Variants in ZNF780B observed in about 807,000 individuals in gnomAD.
The protein encoded by ZNF780B is zinc finger protein 780B, also known as zinc finger protein 779.
In ZNF780B, 52 loss-of-function variants were observed where a neutral mutation model predicts 74.1. The observed-to-expected ratio is 0.70, with a 90% CI of 0.56 to 0.88. The LOEUF (loss-of-function observed/expected upper bound fraction) is 0.88, where lower values mean the gene tolerates loss of function less well. Ranked by LOEUF, ZNF780B falls within the 40% of genes least tolerant of loss-of-function variation. The pLI is 0.00. For missense variants in ZNF780B, 953 were observed against 1,007.6 expected, an observed-to-expected ratio of 0.95 and a Z score of 0.73; for synonymous variants, 315 against 324.3, an observed-to-expected ratio of 0.97 and a Z score of 0.31.
At position 40,048,605 on chromosome 19, in the gene ZNF780B, T is replaced by G. The variant is rs192319875; in HGVS notation, c.136+65A>C. ...ACCTCTTAAAAGACAGCCCTGAAAC[T>G]CATGATGAAGAAAGCTGATATTCCA... On this transcript the variant is annotated intron_variant, in intron 3 of 4. Coordinates refer to ENST00000434248, the MANE Select transcript of ZNF780B (RefSeq NM_001005851.3). The G allele has an allele frequency of 1.5e-3, 2,466 of 1,612,344 alleles. 26 individuals are homozygous for G. The highest frequency in any genetic ancestry group is 6.9e-4 in the Non-Finnish European group (817 of 1,178,580).
Position 40,035,824 on chromosome 19 carries a change from C to G in ZNF780B, c.1035G>C (p.Leu345=). ...CKECRKAFTL[L]TKLVRHQKIH... ...TCTTCTGATGTCGAACAAGCTTTGT[C>G]AGAAGAGTAAAGGCCTTTCTGCATT... Residue 345 remains leucine, a synonymous_variant, in exon 5 of 5, where the codon CTG becomes CTC. Coordinates refer to ENST00000434248, the MANE Select transcript of ZNF780B (RefSeq NM_001005851.3). 1.9e-6 allele frequency: 3 copies of G among 1,614,018 alleles called. No homozygotes were observed. The highest frequency in any genetic ancestry group is 2.5e-6 in the Non-Finnish European group (3 of 1,180,018).
chr19:40,041,493 G>A (rs1972636060), intron 4 of ZNF780B, among the ~76,000 whole-genome samples: 2 of 152,162 alleles, frequency 1.3e-5, no homozygotes, highest in South Asian at 4.1e-4. Flanking sequence ...TCTGTCTGAT[G>A]TTGACAGTGG....
At position 40,031,884 on chromosome 19, in the gene ZNF780B, G is replaced by A. The variant is rs142647151; in HGVS notation, c.*2473C>T. On this transcript the variant is annotated 3_prime_UTR_variant, in exon 5 of 5. Coordinates refer to ENST00000434248, the MANE Select transcript of ZNF780B (RefSeq NM_001005851.3). ...CCACTACAAACTAAATCTTTACAAT[G>A]GACTTACGGCGGTTACCAGCTTACC... 1.5e-3 allele frequency: 454 copies of A among 305,904 alleles called. 3 individuals are homozygous for A. The highest frequency in any genetic ancestry group is 9.0e-3 in the African/African-American group (417 of 46,302). 18.9% of individuals were successfully genotyped at this position (305,904 alleles called of 1,614,324 possible).
rs149235649 is a variant in ZNF780B at position 40,043,634 on chromosome 19, A to G, written c.232+3741T>C. The stretch of plus-strand genomic sequence containing the variant: ...GCGCCCCTCCTCCAGCCTTGCTGCC[A>G]CCTTGCAGTTTGATCTCAAGACAGT... On this transcript the variant is annotated intron_variant, in intron 4 of 4. Coordinates refer to ENST00000434248, the MANE Select transcript of ZNF780B (RefSeq NM_001005851.3). Among the ~76,000 whole-genome samples the G allele has an allele frequency of 7.8e-3, 1,191 of 152,302 alleles. 6 individuals are homozygous for G. Among genetic ancestry groups the G allele is most frequent in the Non-Finnish European group, 0.012 (793 of 68,020 alleles).
chr19:40,038,435 T>G (rs1426676892), intron 4 of ZNF780B, among the ~76,000 whole-genome samples: 2 of 151,964 alleles, frequency 1.3e-5, no homozygotes, highest in Non-Finnish European at 2.9e-5. Context: ...TACACAGTAA[T>G]GGGATGGCTG....
rs1465971168 is a variant in ZNF780B at position 40,036,067 on chromosome 19, A to G, written c.792T>C (p.Leu264=). Residue 264 remains leucine, a synonymous_variant, in exon 5 of 5, where the codon CTT becomes CTC. Transcript: ENST00000434248. The stretch of plus-strand genomic sequence containing the variant: ...CAGCATGAATACTTTGATGCTGAGT[A>G]AGGTTTGAGCTACGATTAAAAGACT... ...CGKSFNRSSN[L]TQHQSIHAGV... 6.2e-7 allele frequency: 1 copy of G among 1,613,538 alleles called. No homozygotes were observed.
At position 40,050,325 on chromosome 19, in the gene ZNF780B, T is replaced by G. The variant is rs1011201895; in HGVS notation, c.8A>C (p.His3Pro). The G allele has an allele frequency of 6.3e-7, 1 of 1,596,318 alleles. No individual in the cohort carries two copies. The highest frequency in any genetic ancestry group is 1.3e-5 in the African/African-American group (1 of 74,748). Residue 3 changes from histidine (H) to proline (P), a missense_variant and splice_region_variant, in exon 2 of 5, where the codon CAT becomes CCT. By Grantham distance (77) the His-to-Pro change is moderately conservative. Transcript: ENST00000434248. MV[H>P]GSVTFRDVAI... ...AAGAAGACAGAAACACCAACTTACA[T>G]GGACCATGTTTCTAGAATTACAAAA...
chr19:40,050,837 A>G (rs1226999939), intron 1 of ZNF780B, among the ~76,000 whole-genome samples: 4 of 152,234 alleles, frequency 2.6e-5, no homozygotes, highest in Non-Finnish European at 5.9e-5. Flanking sequence ...AAGGCATGAG[A>G]ACTGGAAAGG....
rs372244002 is a variant in ZNF780B, at chr19:40,036,437, T to C, written c.422A>G (p.Gln141Arg). 94 of 1,609,100 alleles carry C rather than the reference T, an allele frequency of 5.8e-5. No homozygotes were observed. Among genetic ancestry groups the C allele is most frequent in the Non-Finnish European group, 7.9e-5 (93 of 1,178,616 alleles). ...CATTTCTTCATAGCTGATGATCTTC[T>C]GGTTGATATATCCTTCTTGATGTCC... ...RQGHQEGYIN[Q>R]KIISYEEMPA... The change falls in exon 5 of 5, where the codon CAG becomes CGG. Residue 141 changes from glutamine (Q) to arginine (R), a missense_variant. Gln to Arg is a conservative substitution (Grantham distance 43). Coordinates refer to ENST00000434248, the MANE Select transcript of ZNF780B (RefSeq NM_001005851.3).
chr19:40,035,329 G>T lies in ZNF780B; in HGVS notation c.1530C>A (p.Phe510Leu), dbSNP rs767348530. ...GTTGAACAAGGTTCGAGCCACGATT[G>T]AAGGCCTTCCCACAGTCTTTACATT... The part of the protein sequence containing the change: ...PFECKDCGKA[F>L]NRGSNLVQHQ... The change falls in exon 5 of 5, where the codon TTC becomes TTA. Residue 510 changes from phenylalanine to leucine, a missense_variant. Physicochemically the swap from Phe to Leu is conservative, Grantham distance 22. Coordinates refer to ENST00000434248, the MANE Select transcript of ZNF780B (RefSeq NM_001005851.3). 1 of 1,613,284 alleles carries T rather than the reference G, an allele frequency of 6.2e-7. No homozygotes were observed.
At chr19:40,047,087 T>A (rs1027060042) in intron 4 of ZNF780B, among the ~76,000 whole-genome samples, 1 of 152,160 alleles carries the variant, frequency 6.6e-6, no homozygotes, top group African/African-American at 2.4e-5. Flanking sequence ...AAAATAATTT[T>A]AAAAACTGTT....
chr19:40,036,150 T>C lies in ZNF780B; in HGVS notation c.709A>G (p.Asn237Asp), dbSNP rs1251569399. The C allele has an allele frequency of 6.2e-7, 1 of 1,613,928 alleles. No homozygotes were observed. Among genetic ancestry groups the C allele is most frequent in the African/African-American group, 1.3e-5 (1 of 74,928 alleles). ...ACTGTGTGAATGTTCTTATGGCGATTAAGCTGGGTGGGAAGATTAAAGGCT... is the reference window on the plus strand; with the variant it reads ...ACTGTGTGAATGTTCTTATGGCGATCAAGCTGGGTGGGAAGATTAAAGGCT... ...GKAFNLPTQLNRHKNIHTVKK... is the reference protein window; with the variant it reads ...GKAFNLPTQLDRHKNIHTVKK... The change falls in exon 5 of 5, where the codon AAT becomes GAT. Residue 237 changes from asparagine (N) to aspartate (D), a missense_variant. Physicochemically the swap from Asn to Asp is conservative, Grantham distance 23 (BLOSUM62 1). Transcript: ENST00000434248.
In ZNF780B at chr19:40,028,332, C is replaced by T. The variant is rs1225190080; in HGVS notation, c.*6025G>A. On this transcript the variant is annotated 3_prime_UTR_variant, in exon 5 of 5. Coordinates refer to ENST00000434248, the MANE Select transcript of ZNF780B (RefSeq NM_001005851.3). ...CCCCATCTACCATCCAGAAGTGGAA[C>T]TACATATAGTCATTTAACAATAGTT... 1 of 152,028 alleles carries T rather than the reference C, an allele frequency of 6.6e-6. No homozygotes were observed. The highest frequency in any genetic ancestry group is 1.5e-5 in the Non-Finnish European group (1 of 68,022). The allele number at this position is 152,028 out of a possible 1,614,324, so 9.4% of individuals were successfully genotyped here. A position where few individuals can be genotyped will look rare whatever the true frequency, so the allele number is the denominator to read the frequency against.
At chr19:40,043,698 C>G (rs111422130) in intron 4 of ZNF780B, among the ~76,000 whole-genome samples, 2,438 of 152,354 alleles carry the variant, frequency 0.016, 34 homozygotes, top group Middle Eastern at 0.027. Flanking sequence ...GCATAGGACC[C>G]TCCGAGCCAT....
In ZNF780B at chr19:40,035,423, C is replaced by G. The variant is rs755594062; in HGVS notation, c.1436G>C (p.Gly479Ala). Residue 479 changes from glycine to alanine, a missense_variant, in exon 5 of 5, where the codon GGA becomes GCA. Coordinates refer to ENST00000434248, the MANE Select transcript of ZNF780B (RefSeq NM_001005851.3). ...CTGTGTCAGAAGACTAAAGGCCTTTCCACATTCTTTACATTCAAAGGGTTT... is the reference window on the plus strand; with the variant it reads ...CTGTGTCAGAAGACTAAAGGCCTTTGCACATTCTTTACATTCAAAGGGTTT... ...GGKPFECKECGKAFSLLTQLA... is the reference protein window; with the variant it reads ...GGKPFECKECAKAFSLLTQLA... 2.5e-5 allele frequency: 40 copies of G among 1,614,160 alleles called. No individual in the cohort carries two copies. The highest frequency in any genetic ancestry group is 3.3e-5 in the Non-Finnish European group (39 of 1,180,030).
chr19:40,053,468 A>C (rs1328784901), intron 1 of ZNF780B, among the ~76,000 whole-genome samples: 1 of 152,220 alleles, frequency 6.6e-6, no homozygotes, highest in Non-Finnish European at 1.5e-5. Flanking sequence ...GTGAGAATGT[A>C]AAGTGACACA....
At chr19:40,040,204 G>C (rs1352120956) in intron 4 of ZNF780B, among the ~76,000 whole-genome samples, 1 of 152,120 alleles carries the variant, frequency 6.6e-6, no homozygotes, top group African/African-American at 2.4e-5. Context: ...TTATATGCTG[G>C]ATTACATTTA....
chr19:40,048,601 A>T lies in ZNF780B; in HGVS notation c.136+69T>A, dbSNP rs1046972529. The T allele has an allele frequency of 1.9e-6, 3 of 1,611,414 alleles. No homozygotes were observed. In the African/African-American group the frequency reaches 4.0e-5, roughly 22 times the overall value. ...AACTACCTCTTAAAAGACAGCCCTG[A>T]AACTCATGATGAAGAAAGCTGATAT... is the stretch of plus-strand genomic sequence containing the variant. On this transcript the variant is annotated intron_variant, in intron 3 of 4. Transcript: ENST00000434248.
At chr19:40,036,675 A>C (rs981228664) in intron 4 of ZNF780B, 49 bp from the exon 5 acceptor site, 6 of 1,160,910 alleles carry the variant, frequency 5.2e-6, no homozygotes, top group Non-Finnish European at 7.2e-6. Context: ...TATAACATAC[A>C]TGCATACAAA....
Sources: gnomAD v4.1 joint callset for allele counts (sites outside exome capture counted in the v4.1 genomes callset) on GRCh38, gnomAD v4.1.1 for gene constraint, MANE v1.5 for transcripts, NCBI Gene and HGNC (gene_info 2026-07-23, HGNC 2026-07-21) for gene names.